Variants in FAM210A observed in about 807,000 individuals in gnomAD.
FAM210A encodes mitochondrial inner membrane scaffold 1.
A neutral mutation model predicts 25.3 loss-of-function variants in FAM210A; 13 were observed. The ratio of observed to expected loss-of-function variants is 0.51; its 90% confidence interval spans 0.33 to 0.82. FAM210A has a LOEUF of 0.82. Among genes scored for constraint, FAM210A ranks in the 40% least tolerant of loss-of-function variants. The probability of loss-of-function intolerance (pLI) is 0.02; values close to 1 mark genes in which losing one functional copy is unlikely to be tolerated. For synonymous variants in FAM210A, 125 were observed against 118.7 expected (o/e 1.05, Z -0.35); for missense variants, 319 against 323.2 (o/e 0.99, Z 0.10).
At chr18:13,668,788 T>C (rs1408978433) in intron 3 of FAM210A, among the ~76,000 whole-genome samples, 2 of 152,176 alleles carry the variant, frequency 1.3e-5, no homozygotes, top group Non-Finnish European at 2.9e-5. Context: ...CAGTAAGTAT[T>C]TGTATACCTA....
intron 1 of FAM210A, among the ~76,000 whole-genome samples, chr18:13,692,094 G>A (rs954657795): frequency 6.6e-6 from 1 of 150,900 alleles, no homozygotes; most frequent in Non-Finnish European, 1.5e-5. Flanking sequence ...AAAAAGGCAG[G>A]GGTTGCAATC....
At position 13,694,670 on chromosome 18, in the gene FAM210A, A is replaced by G. The variant is rs1165653763; in HGVS notation, c.-28-12565T>C. On this transcript the variant is annotated intron_variant, in intron 1 of 3. Transcript: ENST00000651643. ...GGGAAAACTGGCTAGCCATATGTAG[A>G]AAGCTGAAACTGGATCCCTTCCTTA... 3.9e-5 allele frequency among the ~76,000 whole-genome samples: 6 copies of G among 152,336 alleles called. No homozygotes were observed. In the East Asian group the frequency reaches 1.2e-3, roughly 29 times the overall value.
At chr18:13,717,209 C>G (rs986279978) in intron 1 of FAM210A, among the ~76,000 whole-genome samples, 1 of 152,190 alleles carries the variant, frequency 6.6e-6, no homozygotes, top group African/African-American at 2.4e-5. Flanking sequence ...GCAATGTTTA[C>G]TATATGAAGT....
At chr18:13,715,344 C>T (rs2043852908) in intron 1 of FAM210A, 1 of 152,254 alleles carries the variant, frequency 6.6e-6, no homozygotes, top group Non-Finnish European at 1.5e-5. Flanking sequence ...GATCCTCCCA[C>T]CTTCCCACTA....
Position 13,671,949 on chromosome 18 carries a change from T to C in FAM210A, c.498A>G (p.Leu166=). The change falls in exon 3 of 4, where the codon CTA becomes CTG. Residue 166 remains leucine (L), a synonymous_variant. Transcript: ENST00000651643. ...CACTGTCAGGTAACCCAATGAGTTC[T>C]AGAAAAGGAACGACATTCACTCCTC... ...ALKGVNVVPF[L]ELIGLPDSVV... 1 of 1,611,930 alleles carries C rather than the reference T, an allele frequency of 6.2e-7. No homozygotes were observed. The highest frequency in any genetic ancestry group is 8.5e-7 in the Non-Finnish European group (1 of 1,178,986).
rs983128277 is a variant in FAM210A, at chr18:13,664,354, T to C, written c.*2126A>G. On this transcript the variant is annotated 3_prime_UTR_variant, in exon 4 of 4. Coordinates refer to ENST00000651643, the MANE Select transcript of FAM210A (RefSeq NM_152352.4). ...CCTCCAATTTATCCCCACTGGAAAA[T>C]ATGCAACATGAAAAGTAAAAGGAAA... 1 of 152,116 alleles carries C rather than the reference T, an allele frequency of 6.6e-6. No individual in the cohort carries two copies. The highest frequency in any genetic ancestry group is 1.5e-5 in the Non-Finnish European group (1 of 68,022). 9.4% of individuals were successfully genotyped at this position (152,116 alleles called of 1,614,324 possible). A position where few individuals can be genotyped will look rare whatever the true frequency, so the allele number is the denominator to read the frequency against.
chr18:13,666,382 G>T lies in FAM210A; in HGVS notation c.*98C>A. 1.1e-6 allele frequency: 1 copy of T among 894,680 alleles called. No homozygotes were observed. The highest frequency in any genetic ancestry group is 1.7e-6 in the Non-Finnish European group (1 of 584,426). 55.4% of individuals were successfully genotyped at this position (894,680 alleles called of 1,614,324 possible). ...AACCCTCAGAGAACTAGTATATTTC[G>T]GCAACTAACCAAAAAAATAATCAGA... On this transcript the variant is annotated 3_prime_UTR_variant, in exon 4 of 4. Coordinates refer to ENST00000651643, the MANE Select transcript of FAM210A (RefSeq NM_152352.4).
chr18:13,695,587 C>A (rs925632303), intron 1 of FAM210A, among the ~76,000 whole-genome samples: 3 of 152,044 alleles, frequency 2.0e-5, no homozygotes, highest in Admixed American at 2.0e-4. Context: ...AGCTGGAAAC[C>A]ATCATTCTGA....
chr18:13,717,945 T>C (rs1223855912), intron 1 of FAM210A, among the ~76,000 whole-genome samples: 1 of 152,164 alleles, frequency 6.6e-6, no homozygotes, highest in African/African-American at 2.4e-5. Flanking sequence ...GAACAGCCTC[T>C]AGTCCCTGAG....
At chr18:13,690,534 G>A (rs1000976870) in intron 1 of FAM210A, among the ~76,000 whole-genome samples, 3 of 152,172 alleles carry the variant, frequency 2.0e-5, no homozygotes, top group Admixed American at 6.5e-5. Flanking sequence ...TCATACAGAC[G>A]GCTGCCCCTC....
intron 1 of FAM210A, among the ~76,000 whole-genome samples, chr18:13,722,243 C>T (rs1045430623): frequency 1.3e-5 from 2 of 151,612 alleles, no homozygotes; most frequent in Non-Finnish European, 2.9e-5. Context: ...ACTCCGCTGT[C>T]CCCCATGATG....
intron 1 of FAM210A, among the ~76,000 whole-genome samples, chr18:13,711,403 C>T (rs542508150): frequency 1.3e-5 from 2 of 152,024 alleles, no homozygotes; most frequent in South Asian, 4.2e-4. Flanking sequence ...AAACAACCCC[C>T]CCAATCAAAA....
At chr18:13,685,266 C>T (rs903728560) in intron 1 of FAM210A, among the ~76,000 whole-genome samples, 12 of 151,078 alleles carry the variant, frequency 7.9e-5, no homozygotes, top group African/African-American at 2.7e-4. Context: ...CGTTTCTCTG[C>T]CATATTTTGA....
intron 2 of FAM210A, among the ~76,000 whole-genome samples, chr18:13,675,026 T>G (rs372844962): frequency 9.8e-6 from 1 of 102,108 alleles, no homozygotes; most frequent in Non-Finnish European, 2.0e-5. Context: ...TCCTGAGCCC[T>G]GGCTTCTTTA....
rs188721483 is a variant in FAM210A at position 13,677,107 on chromosome 18, C to T, written c.473+4498G>A. On this transcript the variant is annotated intron_variant, in intron 2 of 3. Transcript: ENST00000651643. ...TTTTTCTTTTTGAGACAGAGTCTCG[C>T]TCTGTCGCCCAGGCTGGAGTGCAGT... Among the ~76,000 whole-genome samples, 1,026 of 150,198 alleles carry T rather than the reference C, an allele frequency of 6.8e-3. 5 individuals carry two copies. Among genetic ancestry groups the T allele is most frequent in the Non-Finnish European group, 9.6e-3 (650 of 67,814 alleles).
intron 1 of FAM210A, among the ~76,000 whole-genome samples, chr18:13,686,869 C>T (rs773647271): frequency 6.6e-6 from 1 of 152,072 alleles, no homozygotes; most frequent in Non-Finnish European, 1.5e-5. Context: ...AAAAATAATA[C>T]AATTCAGAAA....
At chr18:13,706,279 T>A (rs1453398497) in intron 1 of FAM210A, among the ~76,000 whole-genome samples, 15 of 149,776 alleles carry the variant, frequency 1.0e-4, no homozygotes. Flanking sequence ...GATGAAGAGT[T>A]CTACTACCAT....
At chr18:13,713,372 A>T (rs1020328044) in intron 1 of FAM210A, among the ~76,000 whole-genome samples, 1 of 152,114 alleles carries the variant, frequency 6.6e-6, no homozygotes, top group African/African-American at 2.4e-5. Flanking sequence ...AGTTAGCATG[A>T]TATATTTCTT....
intron 1 of FAM210A, chr18:13,710,338 C>G (rs899420216): frequency 6.6e-6 from 1 of 152,276 alleles, no homozygotes; most frequent in Non-Finnish European, 1.5e-5. Flanking sequence ...TGTGTGCCAT[C>G]GTGCCCAGCT....
Sources: allele counts gnomAD v4.1 joint callset (sites outside exome capture counted in the v4.1 genomes callset), GRCh38; gene constraint gnomAD v4.1.1; transcripts MANE v1.5; gene names NCBI Gene and HGNC (gene_info 2026-07-23, HGNC 2026-07-21).